The following COQ2 variants were observed in gnomAD, a reference collection of about 807,000 sequenced individuals.
COQ2 encodes the protein 4-hydroxybenzoate polyprenyltransferase, mitochondrial.
Under a neutral mutation model 35.7 loss-of-function variants are expected in COQ2, and 25 were observed. The observed-to-expected ratio is 0.70, with a 90% CI of 0.51 to 0.98. The LOEUF (loss-of-function observed/expected upper bound fraction) is 0.98. Among genes scored for constraint, COQ2 ranks in the 50% least tolerant of loss-of-function variants. COQ2 has a pLI of 0.00. For synonymous variants in COQ2, 206 were observed against 186.2 expected (o/e 1.11, Z -0.86); for missense variants, 488 against 473.5 (o/e 1.03, Z -0.28).
upstream of COQ2, among the ~76,000 whole-genome samples, chr4:83,285,102 A>G (rs1314349680): frequency 6.6e-6 from 1 of 152,196 alleles, no homozygotes; most frequent in African/African-American, 2.4e-5. Flanking sequence ...GAATCGGGCA[A>G]CACCTTATTC....
chr4:83,266,982 C>T, intron 6 of COQ2: 1 of 335,832 alleles, frequency 3.0e-6, no homozygotes, highest in Non-Finnish European at 5.8e-6. Flanking sequence ...AAACCACAAG[C>T]TTCAGATATC....
intron 1 of COQ2, 87 bp downstream of exon 1, chr4:83,284,425 C>T (rs370182390): frequency 2.0e-5 from 29 of 1,458,370 alleles, no homozygotes; most frequent in East Asian, 1.2e-4. Flanking sequence ...CCATCACGCC[C>T]CGGCCGGCCG....
chr4:83,264,746 G>C (rs189591893), intron 6 of COQ2, among the ~76,000 whole-genome samples: 31 of 152,274 alleles, frequency 2.0e-4, no homozygotes, highest in African/African-American at 7.2e-4. Context: ...TGCTTGTGAG[G>C]CAACCCATAC....
chr4:83,276,747 A>G (rs752194593), intron 2 of COQ2, among the ~76,000 whole-genome samples: 36 of 152,198 alleles, frequency 2.4e-4, no homozygotes, highest in Non-Finnish European at 2.8e-4. Context: ...GCACTCATAC[A>G]TTTATCACAG....
chr4:83,284,754 G>C lies in COQ2; in HGVS notation c.11C>G (p.Ser4Trp), dbSNP rs376396608. 561 of 1,536,430 alleles carry C rather than the reference G, an allele frequency of 3.7e-4. 1 individual carries two copies. The highest frequency in any genetic ancestry group is 4.6e-4 in the Non-Finnish European group (531 of 1,148,694). MLG[S>W]RAAGFARGLR... ...GCCCCGCGCGAACCCCGCGGCTCGC[G>C]AGCCCAGCATGGCGCTGGTGAGGCC... is the stretch of plus-strand genomic sequence containing the variant. Residue 4 changes from serine to tryptophan, a missense_variant, in exon 1 of 7, where the codon TCG becomes TGG. Transcript: ENST00000647002.
rs576915568 is a variant in COQ2, at chr4:83,275,178, T to G, written c.421-1561A>C. Among the ~76,000 whole-genome samples the G allele has an allele frequency of 1.7e-4, 26 of 152,380 alleles. No homozygotes were observed. The East Asian group carries it at 4.8e-3, about 28-fold the overall frequency. ...TGTTCATCTGCTGATTGTCTTTTTTTCACTCAAGTTGAGATTTTCCTAGTT... is the reference window on the plus strand; with the variant it reads ...TGTTCATCTGCTGATTGTCTTTTTTGCACTCAAGTTGAGATTTTCCTAGTT... On this transcript the variant is annotated intron_variant, in intron 2 of 6. Transcript: ENST00000647002.
chr4:83,273,411 T>C, intron 3 of COQ2, 85 bp downstream of exon 3: 1 of 1,408,254 alleles, frequency 7.1e-7, no homozygotes, highest in East Asian at 2.4e-5. Context: ...TGAACAACTT[T>C]GTGATAAAGA....
At chr4:83,273,454 A>T in intron 3 of COQ2, 42 bp downstream of exon 3, 1 of 1,564,586 alleles carries the variant, frequency 6.4e-7, no homozygotes, top group East Asian at 2.3e-5. Context: ...CTCCATTTCA[A>T]AGGAGAGATT....
intron 2 of COQ2, among the ~76,000 whole-genome samples, chr4:83,277,164 C>T (rs984613896): frequency 6.6e-5 from 10 of 152,048 alleles, no homozygotes; most frequent in African/African-American, 2.2e-4. Context: ...TGTAACTGTA[C>T]CCCTAAATCC....
At chr4:83,278,860 T>G in intron 2 of COQ2, 88 bp downstream of exon 2, 1 of 1,331,408 alleles carries the variant, frequency 7.5e-7, no homozygotes, top group Non-Finnish European at 9.8e-7. Flanking sequence ...ATGATCTTGT[T>G]GCTTTATATG....
chr4:83,280,846 T>C (rs1242579410), intron 1 of COQ2, among the ~76,000 whole-genome samples: 1 of 152,242 alleles, frequency 6.6e-6, no homozygotes, highest in Non-Finnish European at 1.5e-5. Context: ...CACTCCACAG[T>C]AACAATGGCT....
Position 83,284,789 on chromosome 4 carries a change from T to G in COQ2, c.-25A>C, listed in dbSNP as rs748169739. The G allele has an allele frequency of 6.4e-7, 1 of 1,567,956 alleles. No homozygotes were observed. Among genetic ancestry groups the G allele is most frequent in the South Asian group, 1.2e-5 (1 of 85,718 alleles). On this transcript the variant is annotated 5_prime_UTR_variant, in exon 1 of 7. Coordinates refer to ENST00000647002, the MANE Select transcript of COQ2 (RefSeq NM_001358921.2). ...TGGCGCTGGTGAGGCCGGGACGAGC[T>G]CGGATTGACGTCATTCCCCGGCAGG...
Position 83,283,700 on chromosome 4 carries a change from T to C in COQ2, c.253+812A>G, listed in dbSNP as rs943596004. On this transcript the variant is annotated intron_variant, in intron 1 of 6. Coordinates refer to ENST00000647002, the MANE Select transcript of COQ2 (RefSeq NM_001358921.2). ...GGGTTTCCATAGCTTTTTCTATCTC[T>C]ATGGCCGGACAACGTAGTAGGAACT... The C allele has an allele frequency of 6.1e-6, 6 of 985,342 alleles. No homozygotes were observed. The African/African-American group carries it at 8.7e-5, about 14-fold the overall frequency. 61.0% of individuals were successfully genotyped at this position (985,342 alleles called of 1,614,324 possible).
chr4:83,283,923 T>G lies in COQ2; in HGVS notation c.253+589A>C, dbSNP rs971899479. 4 of 985,356 alleles carry G rather than the reference T, an allele frequency of 4.1e-6. No individual in the cohort carries two copies. The African/African-American group carries it at 7.0e-5, about 17-fold the overall frequency. The allele number at this position is 985,356 out of a possible 1,614,324, so 61.0% of individuals were successfully genotyped here. On this transcript the variant is annotated intron_variant, in intron 1 of 6. Coordinates refer to ENST00000647002, the MANE Select transcript of COQ2 (RefSeq NM_001358921.2). ...GCTGACAGGCAGTCCGTAAGCGCTG[T>G]CCCTGCTGCGTTCAAATGAATTAAA... is the stretch of plus-strand genomic sequence containing the variant.
chr4:83,284,230 G>A (rs1445529858), intron 1 of COQ2: 9 of 985,376 alleles, frequency 9.1e-6, no homozygotes, highest in Non-Finnish European at 1.1e-5. Context: ...GCAGACAGAC[G>A]TGAAACTGGC....
rs121918233 is a variant in COQ2 at position 83,279,081 on chromosome 4, C to T, written c.287G>A (p.Ser96Asn). The T allele has an allele frequency of 1.6e-5, 26 of 1,589,820 alleles. No homozygotes were observed. The highest frequency in any genetic ancestry group is 2.3e-5 in the South Asian group (2 of 86,782). ...ACCTGGTTCAGCTGCCAAACCAATGCTCCAGGTACATGGTAAATACAGAAG... is the reference window on the plus strand; with the variant it reads ...ACCTGGTTCAGCTGCCAAACCAATGTTCCAGGTACATGGTAAATACAGAAG... ...TWLLYLPCTW[S>N]IGLAAEPGCF... The change falls in exon 2 of 7, where the codon AGC becomes AAC. Residue 96 changes from serine to asparagine, a missense_variant. Ser to Asn is a conservative substitution (Grantham distance 46). Transcript: ENST00000647002.
At chr4:83,285,020 C>G (rs1735439498), upstream of COQ2, 1 of 789,112 alleles carries the variant, frequency 1.3e-6, no homozygotes, top group South Asian at 1.9e-5. Context: ...ACAACTCGAT[C>G]TTGATTGACT....
chr4:83,277,982 ACACACAC>A (rs1735225411), intron 2 of COQ2, among the ~76,000 whole-genome samples: 1 of 9,288 alleles, frequency 1.1e-4, no homozygotes, highest in South Asian at 4.5e-3. Flanking sequence ...AAACACACAC[ACACACAC>A]ACACACACAC....
chr4:83,269,449 C>T (rs994739794), intron 5 of COQ2, among the ~76,000 whole-genome samples: 11 of 152,152 alleles, frequency 7.2e-5, no homozygotes, highest in Admixed American at 7.2e-4. Flanking sequence ...GGGTTTGAAT[C>T]GCAGTTCTGC....
Sources: gnomAD v4.1 joint callset for allele counts (sites outside exome capture counted in the v4.1 genomes callset) on GRCh38, gnomAD v4.1.1 for gene constraint, MANE v1.5 for transcripts, NCBI Gene and HGNC (gene_info 2026-07-23, HGNC 2026-07-21) for gene names.